The following MKX variants were observed in gnomAD, a reference collection of about 807,000 sequenced individuals.
The protein encoded by MKX is mohawk homeobox, also known as homeobox protein Mohawk.
In MKX, 13 loss-of-function variants were observed where a neutral mutation model predicts 36.0. That is an observed-to-expected ratio of 0.36 (90% confidence interval 0.24 to 0.57). The LOEUF (loss-of-function observed/expected upper bound fraction) is 0.57. Among genes scored for constraint, MKX ranks in the 20% least tolerant of loss-of-function variants. The pLI, the probability that MKX is intolerant of heterozygous loss-of-function variation, is 0.79. For synonymous variants in MKX, 176 were observed against 178.3 expected, an observed-to-expected ratio of 0.99 and a Z score of 0.10; for missense variants, 458 against 456.4, an observed-to-expected ratio of 1.00 and a Z score of -0.03.
In MKX at chr10:27,743,500, A is replaced by G; in HGVS notation, c.-82-3T>C. ...AGCTCCGCAGCGGGGCTCGGCTTCTAGGAGAGGAAGGTGCATCTCGTTACT... is the reference window on the plus strand; with the variant it reads ...AGCTCCGCAGCGGGGCTCGGCTTCTGGGAGAGGAAGGTGCATCTCGTTACT... On this transcript the variant is annotated splice_region_variant and splice_polypyrimidine_tract_variant and intron_variant, in intron 1 of 6. Coordinates refer to ENST00000419761, the MANE Select transcript of MKX (RefSeq NM_173576.3). 1 of 1,349,354 alleles carries G rather than the reference A, an allele frequency of 7.4e-7. No homozygotes were observed. 83.6% of individuals were successfully genotyped at this position (1,349,354 alleles called of 1,614,324 possible). A position where few individuals can be genotyped will look rare whatever the true frequency, so the allele number is the denominator to read the frequency against.
At chr10:27,694,863 A>G (rs1836525393) in intron 5 of MKX, among the ~76,000 whole-genome samples, 1 of 151,408 alleles carries the variant, frequency 6.6e-6, no homozygotes, top group Admixed American at 6.6e-5. Flanking sequence ...ACATATTTTC[A>G]TCATAAAAGC....
chr10:27,725,869 A>G (rs942276563), intron 5 of MKX, among the ~76,000 whole-genome samples: 12 of 152,312 alleles, frequency 7.9e-5, no homozygotes, highest in African/African-American at 2.9e-4. Context: ...AATGGGAGTT[A>G]CGTGCTTATA....
At chr10:27,708,031 C>T (rs1836787050) in intron 5 of MKX, among the ~76,000 whole-genome samples, 1 of 152,060 alleles carries the variant, frequency 6.6e-6, no homozygotes, top group Non-Finnish European at 1.5e-5. Context: ...AGATGGTAAC[C>T]TTTATACATT....
rs1477698913 is a variant in MKX at position 27,742,725 on chromosome 10, G to A, written c.188+503C>T. On this transcript the variant is annotated intron_variant, in intron 2 of 6. Coordinates refer to ENST00000419761, the MANE Select transcript of MKX (RefSeq NM_173576.3). The surrounding 1 kb of genome is among the most constrained non-coding windows in gnomAD (Gnocchi z 4.2). ...GCCCAGCCGAGCCGCGCTCACGCCC[G>A]GGACTCCCTGGCGGGAGGCGACCTT... Among the ~76,000 whole-genome samples, 1 of 151,808 alleles carries A rather than the reference G, an allele frequency of 6.6e-6. No homozygotes were observed. The highest frequency in any genetic ancestry group is 2.4e-5 in the African/African-American group (1 of 41,356).
rs749201539 is a variant in MKX at position 27,675,293 on chromosome 10, A to G, written c.995T>C (p.Ile332Thr). Reference protein sequence around the residue: ...DKLQGTTSCIIQKSSHIAEVK... With the variant: ...DKLQGTTSCITQKSSHIAEVK... ...TTCTGCTATATGGGACGACTTCTGGATGATGCAGCTGGTAGTTCCCTGCAG... is the reference window on the plus strand; with the variant it reads ...TTCTGCTATATGGGACGACTTCTGGGTGATGCAGCTGGTAGTTCCCTGCAG... Residue 332 changes from isoleucine to threonine, a missense_variant, in exon 7 of 7, where the codon ATC becomes ACC. By Grantham distance (89) the Ile-to-Thr change is moderately conservative. This residue lies in a region of MKX where 297 missense variants were observed against 304.4 expected (regional missense o/e 0.98). Coordinates refer to ENST00000419761, the MANE Select transcript of MKX (RefSeq NM_173576.3). 6.2e-7 allele frequency: 1 copy of G among 1,614,070 alleles called. No homozygotes were observed. The highest frequency in any genetic ancestry group is 8.5e-7 in the Non-Finnish European group (1 of 1,180,036).
intron 5 of MKX, among the ~76,000 whole-genome samples, chr10:27,694,827 C>T (rs1031810638): frequency 6.6e-6 from 1 of 151,454 alleles, no homozygotes; most frequent in Non-Finnish European, 1.5e-5. Context: ...AAAAGCCTGG[C>T]ACTCGTACAC....
intron 5 of MKX, among the ~76,000 whole-genome samples, chr10:27,704,961 T>A (rs535045607): frequency 6.6e-6 from 1 of 152,134 alleles, no homozygotes; most frequent in Non-Finnish European, 1.5e-5. Flanking sequence ...CAGGCTCATC[T>A]CCCTCCATAA....
intron 5 of MKX, among the ~76,000 whole-genome samples, chr10:27,702,272 A>C (rs898311869): frequency 6.6e-5 from 10 of 152,292 alleles, no homozygotes; most frequent in Non-Finnish European, 1.2e-4. Context: ...TAAGAGAGAG[A>C]GCTGTCTAAA....
At chr10:27,684,120 C>T (rs1340551618) in intron 5 of MKX, among the ~76,000 whole-genome samples, 2 of 151,738 alleles carry the variant, frequency 1.3e-5, no homozygotes, top group African/African-American at 4.8e-5. Flanking sequence ...TTGAGACCAG[C>T]CTGGGCAACA....
At chr10:27,736,427 T>C (rs1834779160) in intron 3 of MKX, among the ~76,000 whole-genome samples, 1 of 152,210 alleles carries the variant, frequency 6.6e-6, no homozygotes, top group African/African-American at 2.4e-5. Flanking sequence ...TTGAAATTTC[T>C]TCTAAAATAC....
intron 5 of MKX, among the ~76,000 whole-genome samples, chr10:27,709,897 A>T (rs995317775): frequency 6.6e-6 from 1 of 152,214 alleles, no homozygotes; most frequent in African/African-American, 2.4e-5. Context: ...TAGAAAGAAA[A>T]AGTGAAAGTA....
chr10:27,722,736 C>T (rs1000660258), intron 5 of MKX, among the ~76,000 whole-genome samples: 6 of 152,128 alleles, frequency 3.9e-5, no homozygotes, highest in Non-Finnish European at 7.3e-5. Flanking sequence ...GGAGTGGGGA[C>T]TTTACTATAA....
At chr10:27,677,988 G>T (rs1185866480) in intron 5 of MKX, among the ~76,000 whole-genome samples, 1 of 152,212 alleles carries the variant, frequency 6.6e-6, no homozygotes, top group Non-Finnish European at 1.5e-5. Flanking sequence ...AGTAACTCAT[G>T]TAAATGCAGG....
intron 5 of MKX, among the ~76,000 whole-genome samples, chr10:27,687,747 G>T (rs901909619): frequency 2.2e-4 from 34 of 152,294 alleles, no homozygotes; most frequent in East Asian, 1.7e-3. Flanking sequence ...GATCTCAAAG[G>T]CTCCATCTTC....
chr10:27,710,142 C>A (rs1836826512), intron 5 of MKX, among the ~76,000 whole-genome samples: 1 of 152,098 alleles, frequency 6.6e-6, no homozygotes, highest in Non-Finnish European at 1.5e-5. Context: ...AACAAGTGAA[C>A]CACTCTGTGG....
rs1836610723 is a variant in MKX at position 27,699,293 on chromosome 10, A to G, written c.839-23739T>C. ...TAATAGGAGTTTTATTTTAGCCACA[A>G]GGTGCCCTTAAAAATTTAATATTGG... is the stretch of plus-strand genomic sequence containing the variant. On this transcript the variant is annotated intron_variant, in intron 5 of 6. Coordinates refer to ENST00000419761, the MANE Select transcript of MKX (RefSeq NM_173576.3). Among the ~76,000 whole-genome samples the G allele has an allele frequency of 5.3e-5, 8 of 152,240 alleles. No individual in the cohort carries two copies. The South Asian group carries it at 1.7e-3, about 31-fold the overall frequency.
At chr10:27,722,438 G>A (rs1041263174) in intron 5 of MKX, among the ~76,000 whole-genome samples, 2 of 152,214 alleles carry the variant, frequency 1.3e-5, no homozygotes, top group Admixed American at 6.5e-5. Flanking sequence ...ATTGCATGCT[G>A]TCAGAGATGT....
chr10:27,720,730 GTGTGT>G (rs1834357723), intron 5 of MKX, among the ~76,000 whole-genome samples: 1 of 152,192 alleles, frequency 6.6e-6, no homozygotes, highest in African/African-American at 2.4e-5. Flanking sequence ...TCTCATTAAT[GTGTGT>G]TATTACTGCT....
At chr10:27,710,750 C>A (rs1056446932) in intron 5 of MKX, among the ~76,000 whole-genome samples, 1 of 152,112 alleles carries the variant, frequency 6.6e-6, no homozygotes, top group Non-Finnish European at 1.5e-5. Flanking sequence ...CTTCCACCTC[C>A]TAGGTTCAAG....
Sources: allele counts gnomAD v4.1 joint callset (sites outside exome capture counted in the v4.1 genomes callset), GRCh38; gene constraint gnomAD v4.1.1; regional missense constraint gnomAD v4.1.1; non-coding constraint Gnocchi (gnomAD v3.1); transcripts MANE v1.5; gene names NCBI Gene and HGNC (gene_info 2026-07-23, HGNC 2026-07-21).